The following PIAS1 variants were observed in gnomAD, a reference collection of about 807,000 sequenced individuals.
PIAS1 encodes the protein E3 SUMO-protein ligase PIAS1.
In PIAS1, 6 loss-of-function variants were observed where a neutral mutation model predicts 71.3. That is an observed-to-expected ratio of 0.08 (90% CI 0.05 to 0.17). The LOEUF (loss-of-function observed/expected upper bound fraction) is 0.17, where lower values mean the gene tolerates loss of function less well. PIAS1 is among the 10% of genes least tolerant of loss of function. The probability of loss-of-function intolerance (pLI) is 1.00; values close to 1 mark genes in which losing one functional copy is unlikely to be tolerated. For synonymous variants in PIAS1, 303 were observed against 292.9 expected, an observed-to-expected ratio of 1.03 and a Z score of -0.35; for missense variants, 555 against 793.6, an observed-to-expected ratio of 0.70 and a Z score of 3.61.
chr15:68,100,384 C>A (rs2092413093), intron 2 of PIAS1, among the ~76,000 whole-genome samples: 1 of 152,180 alleles, frequency 6.6e-6, no homozygotes, highest in Non-Finnish European at 1.5e-5. Flanking sequence ...CTGTCACCCA[C>A]AAGACTCCCT....
chr15:68,178,562 A>T lies in PIAS1; in HGVS notation c.1481+1908A>T, dbSNP rs2093033897. ...TAAAGTTAGAACAAGTATCTATAGAATTTCAATTCCAAGATATTTTGTAAA... is the reference window on the plus strand; with the variant it reads ...TAAAGTTAGAACAAGTATCTATAGATTTTCAATTCCAAGATATTTTGTAAA... On this transcript the variant is annotated intron_variant, in intron 11 of 13. Coordinates refer to ENST00000249636, the MANE Select transcript of PIAS1 (RefSeq NM_016166.3). The surrounding 1 kb of genome is among the most constrained non-coding windows in gnomAD (Gnocchi z 4.2). 6.6e-6 allele frequency among the ~76,000 whole-genome samples: 1 copy of T among 152,226 alleles called. No individual in the cohort carries two copies. The highest frequency in any genetic ancestry group is 6.5e-5 in the Admixed American group (1 of 15,290).
intron 7 of PIAS1, among the ~76,000 whole-genome samples, chr15:68,158,252 T>G (rs1205476039): frequency 6.6e-6 from 1 of 152,180 alleles, no homozygotes; most frequent in Non-Finnish European, 1.5e-5. Context: ...ACCTGCTTAT[T>G]ACTTTCCAGG....
At chr15:68,056,913 TAAG>T (rs757950992) in intron 1 of PIAS1, among the ~76,000 whole-genome samples, 105 of 152,168 alleles carry the variant, frequency 6.9e-4, no homozygotes, top group Non-Finnish European at 1.1e-3. Flanking sequence ...AAAATCAGAG[TAAG>T]AAGAAAAAAA....
intron 7 of PIAS1, among the ~76,000 whole-genome samples, chr15:68,160,325 C>T (rs1338445581): frequency 6.6e-6 from 1 of 152,090 alleles, no homozygotes; most frequent in African/African-American, 2.4e-5. Context: ...TTTTCCCCCA[C>T]ATAGATATCG....
At position 68,086,419 on chromosome 15, in the gene PIAS1, G is replaced by C; in HGVS notation, c.138G>C (p.Lys46Asn). Residue 46 changes from lysine to asparagine, a missense_variant, in exon 2 of 14, where the codon AAG becomes AAC. By Grantham distance (94) the Lys-to-Asn change is moderately conservative. Coordinates refer to ENST00000249636, the MANE Select transcript of PIAS1 (RefSeq NM_016166.3). The surrounding 1 kb of genome is among the most constrained non-coding windows in gnomAD (Gnocchi z 7.2). ...TCACAAAAGCCCTGCATTTGCTAAAGGCTGGCTGTAGTCCTGCTGTGCAAA... is the reference window on the plus strand; with the variant it reads ...TCACAAAAGCCCTGCATTTGCTAAACGCTGGCTGTAGTCCTGCTGTGCAAA... ...ELLTKALHLL[K>N]AGCSPAVQMK... The C allele has an allele frequency of 6.2e-7, 1 of 1,613,882 alleles. No individual in the cohort carries two copies. The highest frequency in any genetic ancestry group is 8.5e-7 in the Non-Finnish European group (1 of 1,179,852).
At chr15:68,068,909 T>TTTG (rs1421130673) in intron 1 of PIAS1, among the ~76,000 whole-genome samples, 1 of 149,816 alleles carries the variant, frequency 6.7e-6, no homozygotes, top group Non-Finnish European at 1.5e-5. Flanking sequence ...TTTTTTTTTT[T>TTTG]TTTTGAGGTG....
intron 8 of PIAS1, among the ~76,000 whole-genome samples, chr15:68,168,211 G>A (rs915925627): frequency 4.6e-5 from 7 of 151,998 alleles, no homozygotes; most frequent in African/African-American, 1.7e-4. Flanking sequence ...GTTTCACCAT[G>A]TTGGCTAGGC....
intron 1 of PIAS1, among the ~76,000 whole-genome samples, chr15:68,081,886 C>T (rs2092232820): frequency 6.6e-6 from 1 of 151,016 alleles, no homozygotes; most frequent in Non-Finnish European, 1.5e-5. Context: ...AAAGGATCGA[C>T]AGTTATCAGT....
intron 7 of PIAS1, among the ~76,000 whole-genome samples, chr15:68,160,924 TG>T (rs1358919028): frequency 9.2e-5 from 14 of 152,192 alleles, no homozygotes; most frequent in Non-Finnish European, 1.2e-4. Flanking sequence ...CCCCTAGCGT[TG>T]CCCTAGAGAT....
intron 4 of PIAS1, among the ~76,000 whole-genome samples, chr15:68,143,236 TCAAA>T (rs1333839935): frequency 6.6e-6 from 1 of 152,090 alleles, no homozygotes; most frequent in African/African-American, 2.4e-5. Context: ...GGAGGATAAA[TCAAA>T]CAGTTAGCCT....
intron 1 of PIAS1, among the ~76,000 whole-genome samples, chr15:68,060,745 A>T (rs1446588408): frequency 1.3e-5 from 2 of 151,022 alleles, no homozygotes; most frequent in African/African-American, 4.9e-5. Context: ...GGGAGGTAAC[A>T]TAGTTTCAAG....
rs750478248 is a variant in PIAS1, at chr15:68,176,476, T to A, written c.1303T>A (p.Cys435Ser). The change falls in exon 11 of 14, where the codon TGC (cysteine) becomes AGC (serine). Residue 435 changes from cysteine (C) to serine (S), a missense_variant and splice_region_variant. Coordinates refer to ENST00000249636, the MANE Select transcript of PIAS1 (RefSeq NM_016166.3). ...VSASYNGVDG[C>S]LSSTLEHQVA... ...GTATTTTAATCATTCCCATATAGGA[T>A]GCTTGAGCTCCACATTGGAGCATCA... The A allele has an allele frequency of 1.9e-6, 3 of 1,592,116 alleles. No homozygotes were observed. In the African/African-American group the frequency reaches 4.1e-5, roughly 22 times the overall value.
chr15:68,192,309 A>C lies in PIAS1; in HGVS notation c.*4474A>C, dbSNP rs1595806289. 1.3e-5 allele frequency: 2 copies of C among 152,074 alleles called. No homozygotes were observed. The highest frequency in any genetic ancestry group is 2.1e-4 in the South Asian group (1 of 4,816). The allele number at this position is 152,074 out of a possible 1,614,324, so 9.4% of individuals were successfully genotyped here. On this transcript the variant is annotated 3_prime_UTR_variant, in exon 14 of 14. Coordinates refer to ENST00000249636, the MANE Select transcript of PIAS1 (RefSeq NM_016166.3). Reference sequence around the variant, plus strand: ...TGGTGGATTTACCATGAAGGTAATGAAGTTTAAGCACCAGGACCCTTCACT... The same window carrying C: ...TGGTGGATTTACCATGAAGGTAATGCAGTTTAAGCACCAGGACCCTTCACT...
intron 2 of PIAS1, among the ~76,000 whole-genome samples, chr15:68,137,514 A>G (rs1877894791): frequency 6.6e-6 from 1 of 152,152 alleles, no homozygotes; most frequent in South Asian, 2.1e-4. Flanking sequence ...TCTGTGATCC[A>G]GTGTAATGCA....
chr15:68,107,923 C>T (rs1444515877), intron 2 of PIAS1, among the ~76,000 whole-genome samples: 2 of 151,932 alleles, frequency 1.3e-5, no homozygotes, highest in African/African-American at 4.8e-5. Flanking sequence ...AGAGTATAGC[C>T]AGAAACTATT....
At chr15:68,071,845 G>A (rs918570155) in intron 1 of PIAS1, among the ~76,000 whole-genome samples, 1 of 151,982 alleles carries the variant, frequency 6.6e-6, no homozygotes, top group Non-Finnish European at 1.5e-5. Flanking sequence ...CTACTTGGGA[G>A]GCTGAGGTGG....
chr15:68,095,530 T>C (rs1446266527), intron 2 of PIAS1, among the ~76,000 whole-genome samples: 1 of 150,538 alleles, frequency 6.6e-6, no homozygotes, highest in African/African-American at 2.4e-5. Flanking sequence ...AGACATTCTT[T>C]TTTTTTTTTT....
intron 2 of PIAS1, among the ~76,000 whole-genome samples, chr15:68,092,537 A>C (rs111447611): frequency 0.011 from 1,601 of 152,328 alleles, 13 homozygotes; most frequent in Non-Finnish European, 0.018. Flanking sequence ...GAAGGATAGA[A>C]TATCTCCTTG....
intron 2 of PIAS1, among the ~76,000 whole-genome samples, chr15:68,095,688 G>A (rs532440188): frequency 1.8e-3 from 275 of 151,964 alleles, no homozygotes; most frequent in Non-Finnish European, 2.4e-3. Context: ...CCACTGCCAC[G>A]CCTGGCTCAT....
Sources: gnomAD v4.1 joint callset for allele counts (sites outside exome capture counted in the v4.1 genomes callset) on GRCh38, gnomAD v4.1.1 for gene constraint, Gnocchi (gnomAD v3.1) non-coding constraint, MANE v1.5 for transcripts, NCBI Gene and HGNC (gene_info 2026-07-23, HGNC 2026-07-21) for gene names.